PDCL3: variants seen among roughly 807,000 people sequenced by gnomAD.
The protein encoded by PDCL3 is phosducin like 3.
In PDCL3, 22 loss-of-function variants were observed where a neutral mutation model predicts 26.5. The ratio of observed to expected loss-of-function variants is 0.83; its 90% CI spans 0.59 to 1.19. The LOEUF is 1.19. Ranked by LOEUF, PDCL3 falls within the 50% of genes most tolerant of loss-of-function variation. The pLI is 0.00. For synonymous variants in PDCL3, 81 were observed against 104.9 expected (o/e 0.77, Z 1.39); for missense variants, 246 against 294.1 (o/e 0.84, Z 1.20).
intron 1 of PDCL3, chr2:100,563,402 C>T: frequency 3.3e-6 from 1 of 305,006 alleles, no homozygotes; most frequent in Non-Finnish European, 6.0e-6. Context: ...CCTGAACTCC[C>T]CTAAGGCACA....
intron 5 of PDCL3, among the ~76,000 whole-genome samples, chr2:100,573,449 G>A (rs1212746159): frequency 2.6e-5 from 4 of 152,108 alleles, no homozygotes; most frequent in African/African-American, 9.6e-5. Flanking sequence ...CAAGGCGGGT[G>A]GATTGCCTGA....
chr2:100,572,310 CAA>C (rs1675193806), intron 5 of PDCL3, among the ~76,000 whole-genome samples: 1 of 152,054 alleles, frequency 6.6e-6, no homozygotes, highest in South Asian at 2.1e-4. Flanking sequence ...CTCCCAGGTT[CAA>C]GTGATTCTCC....
At chr2:100,571,842 C>T (rs549940476) in intron 5 of PDCL3, 44 bp downstream of exon 5, 19 of 1,579,740 alleles carry the variant, frequency 1.2e-5, no homozygotes, top group East Asian at 6.7e-5. Context: ...AGATGGGAGG[C>T]GCATTTCTGT....
chr2:100,565,765 T>C (rs1310916079), intron 1 of PDCL3, among the ~76,000 whole-genome samples: 1 of 152,196 alleles, frequency 6.6e-6, no homozygotes, highest in African/African-American at 2.4e-5. Flanking sequence ...AGTTTGTATA[T>C]ATACTTGTTT....
intron 4 of PDCL3, 25 bp downstream of exon 4, chr2:100,569,746 A>G: frequency 1.3e-6 from 2 of 1,593,878 alleles, no homozygotes; most frequent in Non-Finnish European, 1.7e-6. Context: ...CACTCCATCT[A>G]TCAAATGTTA....
chr2:100,576,250 A>G, intron 5 of PDCL3, 104 bp from the exon 6 acceptor site: 1 of 1,362,678 alleles, frequency 7.3e-7, no homozygotes, highest in Non-Finnish European at 1.0e-6. Context: ...CCAAATTTCG[A>G]TAATTGTATT....
At chr2:100,569,096 A>T in intron 3 of PDCL3, 75 bp downstream of exon 3, 1 of 1,321,170 alleles carries the variant, frequency 7.6e-7, no homozygotes, top group Non-Finnish European at 1.1e-6. Flanking sequence ...TTGGCGTGGC[A>T]ATAAAATGTG....
intron 4 of PDCL3, among the ~76,000 whole-genome samples, chr2:100,571,054 C>T (rs970425867): frequency 3.5e-5 from 5 of 143,170 alleles, no homozygotes; most frequent in Non-Finnish European, 5.9e-5. Flanking sequence ...CCATTGCGGC[C>T]GGATCTCGAG....
Position 100,569,747 on chromosome 2 carries a change from T to C in PDCL3, c.368+26T>C, listed in dbSNP as rs1675131122. 4.4e-6 allele frequency: 7 copies of C among 1,594,202 alleles called. No individual in the cohort carries two copies. The Admixed American group carries it at 1.2e-4, about 28-fold the overall frequency. ...GTGAGCTGATCTTCCACTCCATCTA[T>C]CAAATGTTAATTTGAATTTATGTCT... On this transcript the variant is annotated intron_variant, in intron 4 of 5. Coordinates refer to ENST00000264254, the MANE Select transcript of PDCL3 (RefSeq NM_024065.5).
chr2:100,563,919 T>TG (rs898131012), intron 1 of PDCL3, among the ~76,000 whole-genome samples: 8 of 150,702 alleles, frequency 5.3e-5, no homozygotes, highest in Non-Finnish European at 1.0e-4. Context: ...GACACTGTTT[T>TG]TTTTTTTTTT....
At chr2:100,575,711 G>A (rs1340995271) in intron 5 of PDCL3, among the ~76,000 whole-genome samples, 1 of 152,108 alleles carries the variant, frequency 6.6e-6, no homozygotes, top group Non-Finnish European at 1.5e-5. Flanking sequence ...AAATGTGTAA[G>A]TTCTAGGGTA....
At chr2:100,566,211 CATT>C (rs10555631) in intron 1 of PDCL3, among the ~76,000 whole-genome samples, 74,700 of 151,726 alleles carry the variant, frequency 0.49, 19,774 homozygotes, top group East Asian at 0.97. Context: ...CACTCTCAGT[CATT>C]ATTAAAAATA....
intron 1 of PDCL3, 24 bp from the exon 2 acceptor site, chr2:100,566,479 G>A (rs1252256216): frequency 6.2e-7 from 1 of 1,610,826 alleles, no homozygotes. Flanking sequence ...AGCACTCATG[G>A]TAACCTTGGT....
At chr2:100,565,581 T>C (rs912031554) in intron 1 of PDCL3, among the ~76,000 whole-genome samples, 2 of 152,022 alleles carry the variant, frequency 1.3e-5, no homozygotes, top group Non-Finnish European at 2.9e-5. Flanking sequence ...GCCTGGAAGA[T>C]TATTTGTAAG....
chr2:100,568,865 A>G, intron 2 of PDCL3, 66 bp from the exon 3 acceptor site: 2 of 1,370,122 alleles, frequency 1.5e-6, no homozygotes, highest in Non-Finnish European at 2.1e-6. Context: ...GAGAGGGGAA[A>G]AAAGAAAAAT....
chr2:100,571,114 C>CCAAAA (rs1553417816), intron 4 of PDCL3, among the ~76,000 whole-genome samples: 1 of 109,080 alleles, frequency 9.2e-6, no homozygotes. Flanking sequence ...CCTGTCTTTA[C>CCAAAA]AAAAAAAAAA....
At chr2:100,575,381 C>A (rs896368100) in intron 5 of PDCL3, among the ~76,000 whole-genome samples, 2 of 152,172 alleles carry the variant, frequency 1.3e-5, no homozygotes, top group South Asian at 2.1e-4. Flanking sequence ...GTGATCCGCC[C>A]ACCTTGGCCT....
intron 2 of PDCL3, 141 bp from the exon 3 acceptor site, chr2:100,568,790 C>A: frequency 1.5e-6 from 1 of 656,208 alleles, no homozygotes; most frequent in South Asian, 1.9e-5. Flanking sequence ...TAGTGTGGTG[C>A]CTTAAGTAAT....
intron 1 of PDCL3, 169 bp downstream of exon 1, chr2:100,563,242 TC>T: frequency 6.3e-6 from 5 of 790,388 alleles, no homozygotes; most frequent in South Asian, 2.2e-5. Context: ...GCGGGCGTGG[TC>T]CCACCAGGAC....
Sources: gnomAD v4.1 joint callset for allele counts (sites outside exome capture counted in the v4.1 genomes callset) on GRCh38, gnomAD v4.1.1 for gene constraint, MANE v1.5 for transcripts, NCBI Gene and HGNC (gene_info 2026-07-23, HGNC 2026-07-21) for gene names.